The following DPY19L1 variants were observed in gnomAD, a reference collection of about 807,000 sequenced individuals.
DPY19L1 encodes protein C-mannosyl-transferase DPY19L1.
In DPY19L1, 35 loss-of-function variants were observed where a neutral mutation model predicts 96.9. The ratio of observed to expected loss-of-function variants is 0.36; its 90% CI spans 0.28 to 0.48. The LOEUF is 0.48. Ranked by LOEUF, DPY19L1 falls within the 20% of genes least tolerant of loss-of-function variation. The probability of loss-of-function intolerance (pLI) is 0.99; values close to 1 mark genes in which losing one functional copy is unlikely to be tolerated. For missense variants in DPY19L1, 521 were observed against 777.9 expected (o/e 0.67, Z 3.93); for synonymous variants, 205 against 252.6 (o/e 0.81, Z 1.79).
rs748944097 is a variant in DPY19L1, at chr7:34,989,844, T to C, written c.822+40A>G. On this transcript the variant is annotated intron_variant, in intron 7 of 21. Transcript: ENST00000638088. The stretch of plus-strand genomic sequence containing the variant: ...ATTAAATTTAAAGAAGAAAACTGCA[T>C]TTCCAGAAGTAATTCTGAGAATAGT... The C allele has an allele frequency of 3.1e-5, 47 of 1,512,910 alleles. 1 individual carries two copies. In the South Asian group the frequency reaches 5.2e-4, roughly 17 times the overall value. The allele number at this position is 1,512,910 out of a possible 1,614,324, so 93.7% of individuals were successfully genotyped here.
At position 34,987,626 on chromosome 7, in the gene DPY19L1, T is replaced by C. The variant is rs566415874; in HGVS notation, c.822+2258A>G. Among the ~76,000 whole-genome samples the C allele has an allele frequency of 3.3e-5, 5 of 152,188 alleles. No individual in the cohort carries two copies. The East Asian group carries it at 9.7e-4, about 29-fold the overall frequency. On this transcript the variant is annotated intron_variant, in intron 7 of 21. Transcript: ENST00000638088. The stretch of plus-strand genomic sequence containing the variant: ...ATCACTCATGTGATCAAAGTAACTC[T>C]CCTAAGAAAGTAAGGTACCGGTTAG...
Position 34,958,070 on chromosome 7 carries a change from T to C in DPY19L1, c.1093A>G (p.Ile365Val), listed in dbSNP as rs1784416703. The change falls in exon 11 of 22, where the codon ATT becomes GTT. Residue 365 changes from isoleucine (I) to valine (V), a missense_variant and splice_region_variant. Physicochemically the swap from Ile to Val is conservative, Grantham distance 29. Transcript: ENST00000638088. ...KLRKIIYIHMISLALCFVLMF... is the reference protein window; with the variant it reads ...KLRKIIYIHMVSLALCFVLMF... ...AAAACAAAACAAAGTGCAAGAGAAA[T>C]CTGGAAAAATCCAAGAAAAAAATAT... 6.4e-7 allele frequency: 1 copy of C among 1,565,276 alleles called. No individual in the cohort carries two copies. The highest frequency in any genetic ancestry group is 8.6e-7 in the Non-Finnish European group (1 of 1,164,842).
At chr7:35,029,876 G>C (rs1786219278) in intron 1 of DPY19L1, among the ~76,000 whole-genome samples, 1 of 152,098 alleles carries the variant, frequency 6.6e-6, no homozygotes, top group Non-Finnish European at 1.5e-5. Flanking sequence ...ATTTTACACG[G>C]ATGTAATTAA....
intron 7 of DPY19L1, among the ~76,000 whole-genome samples, chr7:34,989,166 TAA>T (rs1055458406): frequency 2.0e-5 from 3 of 152,154 alleles, no homozygotes; most frequent in African/African-American, 7.2e-5. Flanking sequence ...AAAAAGTACT[TAA>T]AAGAGTATCA....
At chr7:34,980,489 C>CA (rs1784916656) in intron 7 of DPY19L1, among the ~76,000 whole-genome samples, 3 of 151,260 alleles carry the variant, frequency 2.0e-5, no homozygotes, top group Admixed American at 2.0e-4. Flanking sequence ...AGATAAAAAT[C>CA]AAAAAACGAA....
intron 15 of DPY19L1, among the ~76,000 whole-genome samples, chr7:34,946,900 A>G (rs1174965714): frequency 1.3e-5 from 2 of 152,272 alleles, no homozygotes; most frequent in Non-Finnish European, 2.9e-5. Context: ...AAAGCAGAGT[A>G]CAAATATATA....
chr7:35,014,457 G>A (rs1785792923), intron 3 of DPY19L1, among the ~76,000 whole-genome samples: 1 of 152,024 alleles, frequency 6.6e-6, no homozygotes, highest in African/African-American at 2.4e-5. Flanking sequence ...CAGTATGAGG[G>A]AAGACAGAAA....
chr7:34,935,315 G>C (rs1159998467), intron 21 of DPY19L1, among the ~76,000 whole-genome samples: 1 of 151,926 alleles, frequency 6.6e-6, no homozygotes, highest in Non-Finnish European at 1.5e-5. Flanking sequence ...AGTTTCCCAA[G>C]GTTTCCCCAG....
At chr7:35,017,672 GA>G (rs990757398) in intron 3 of DPY19L1, among the ~76,000 whole-genome samples, 6 of 149,700 alleles carry the variant, frequency 4.0e-5, no homozygotes, top group Admixed American at 6.7e-5. Context: ...ACTCCGTCTC[GA>G]AAAAAAAATT....
intron 17 of DPY19L1, 85 bp from the exon 18 acceptor site, chr7:34,941,969 G>A (rs538933290): frequency 2.8e-4 from 375 of 1,356,164 alleles, no homozygotes; most frequent in Non-Finnish European, 3.6e-4. Flanking sequence ...AAAGGGGTAC[G>A]TTCTCCTTAG....
chr7:34,998,901 C>T (rs1278552528), intron 6 of DPY19L1, among the ~76,000 whole-genome samples: 3 of 152,056 alleles, frequency 2.0e-5, no homozygotes, highest in Non-Finnish European at 4.4e-5. Context: ...TTTTCAAACT[C>T]AAGATTCTTT....
At chr7:34,950,281 G>A (rs1167479368) in intron 13 of DPY19L1, among the ~76,000 whole-genome samples, 2 of 152,114 alleles carry the variant, frequency 1.3e-5, no homozygotes, top group African/African-American at 4.8e-5. Flanking sequence ...AGGACTATGG[G>A]GTAAAGAAAA....
At chr7:34,947,574 T>C in intron 15 of DPY19L1, 56 bp downstream of exon 15, 1 of 1,488,772 alleles carries the variant, frequency 6.7e-7, no homozygotes, top group Non-Finnish European at 9.2e-7. Context: ...GCGACTACTA[T>C]GTAAAAACAA....
intron 11 of DPY19L1, 129 bp from the exon 12 acceptor site, chr7:34,955,496 T>C: frequency 8.5e-7 from 1 of 1,179,824 alleles, no homozygotes; most frequent in East Asian, 2.6e-5. Context: ...ACTTTCCACA[T>C]ACCATCCACA....
rs767708781 is a variant in DPY19L1, at chr7:35,017,938, G to T, written c.355C>A (p.Arg119Ser). Residue 119 changes from arginine (R) to serine (S), a missense_variant, in exon 3 of 22, where the codon CGT (arginine) becomes AGT (serine). By Grantham distance (110) the Arg-to-Ser change is moderately radical. Coordinates refer to ENST00000638088, the MANE Select transcript of DPY19L1 (RefSeq NM_001366673.1). ...AATGTTGAGAGGTGAGAAAAATGACGGTCATTTTCAAAGAGGTGTGTTATA... is the reference window on the plus strand; with the variant it reads ...AATGTTGAGAGGTGAGAAAAATGACTGTCATTTTCAAAGAGGTGTGTTATA... ...SHITHLFENDRHFSHLSTLER... is the reference protein window; with the variant it reads ...SHITHLFENDSHFSHLSTLER... 3 of 1,604,504 alleles carry T rather than the reference G, an allele frequency of 1.9e-6. No individual in the cohort carries two copies. Among genetic ancestry groups the T allele is most frequent in the South Asian group, 1.1e-5 (1 of 89,794 alleles).
At chr7:34,957,903 G>T in intron 11 of DPY19L1, 81 bp downstream of exon 11, 2 of 873,626 alleles carry the variant, frequency 2.3e-6, no homozygotes, top group Non-Finnish European at 3.5e-6. Context: ...AGAAAACCCT[G>T]ATGAATCCTA....
intron 6 of DPY19L1, among the ~76,000 whole-genome samples, chr7:35,007,053 T>C (rs190548115): frequency 5.9e-5 from 9 of 152,228 alleles, no homozygotes; most frequent in African/African-American, 1.9e-4. Context: ...TTTCATAAAA[T>C]TACAAGGGTG....
intron 9 of DPY19L1, among the ~76,000 whole-genome samples, chr7:34,968,197 G>A (rs374081959): frequency 0.012 from 1,765 of 152,082 alleles, 25 homozygotes; most frequent in African/African-American, 0.039. Flanking sequence ...AAAGTAAAAA[G>A]TAAGTACAAA....
chr7:34,932,376 G>A lies in DPY19L1; in HGVS notation c.2091-647C>T, dbSNP rs570842920. On this transcript the variant is annotated intron_variant, in intron 21 of 21. Transcript: ENST00000638088. ...GGAACACTTATATTAGCTTACAGTT[G>A]GACAAAATCATCAAATACAAATGCT... is the stretch of plus-strand genomic sequence containing the variant. Among the ~76,000 whole-genome samples the A allele has an allele frequency of 5.3e-5, 8 of 152,128 alleles. No individual in the cohort carries two copies. The East Asian group carries it at 1.5e-3, about 29-fold the overall frequency.
Sources: gnomAD v4.1 joint callset for allele counts (sites outside exome capture counted in the v4.1 genomes callset) on GRCh38, gnomAD v4.1.1 for gene constraint, MANE v1.5 for transcripts, NCBI Gene and HGNC (gene_info 2026-07-23, HGNC 2026-07-21) for gene names.